Variants in PRSS55 observed in about 807,000 individuals in gnomAD.
The protein encoded by PRSS55 is serine protease 55.
PRSS55 carries 41 observed loss-of-function variants against 23.6 expected under a neutral mutation model. The ratio of observed to expected loss-of-function variants is 1.74; its 90% CI spans 1.35 to 2.26. The LOEUF (loss-of-function observed/expected upper bound fraction) is 2.26, where lower values mean the gene tolerates loss of function less well. Ranked by LOEUF, PRSS55 falls within the 30% of genes most tolerant of loss-of-function variation. The probability of loss-of-function intolerance (pLI) is 0.00; values close to 1 mark genes in which losing one functional copy is unlikely to be tolerated. For missense variants in PRSS55, 669 were observed against 439.1 expected (o/e 1.52, Z -4.68); for synonymous variants, 262 against 175.5 (o/e 1.49, Z -3.90).
intron 4 of PRSS55, among the ~76,000 whole-genome samples, chr8:10,544,104 A>G (rs1411769666): frequency 6.6e-6 from 1 of 151,956 alleles, no homozygotes; most frequent in Non-Finnish European, 1.5e-5. Flanking sequence ...TGTTCTATCC[A>G]TTATTTAACA....
intron 3 of PRSS55, 64 bp downstream of exon 3, chr8:10,531,609 G>A: frequency 3.8e-6 from 6 of 1,583,260 alleles, no homozygotes; most frequent in Non-Finnish European, 5.1e-6. Flanking sequence ...AGGGGAGGAA[G>A]CTAAGGAAGG....
downstream of PRSS55, among the ~76,000 whole-genome samples, chr8:10,542,478 G>C (rs1250537162): frequency 2.0e-5 from 3 of 151,546 alleles, no homozygotes; most frequent in Non-Finnish European, 4.4e-5. Flanking sequence ...TGGCCTCAAG[G>C]ATAACTGCTG....
intron 4 of PRSS55, among the ~76,000 whole-genome samples, chr8:10,550,840 G>GCA (rs1812936539): frequency 6.6e-6 from 1 of 152,216 alleles, no homozygotes; most frequent in Admixed American, 6.5e-5. Flanking sequence ...ACGTGTGTGT[G>GCA]CGTGAGCACA....
At position 10,538,737 on chromosome 8, in the gene PRSS55, T is replaced by TC; in HGVS notation, c.1005dup (p.Trp336LeufsTer22). The TC allele has an allele frequency of 6.2e-7, 1 of 1,612,452 alleles. No individual in the cohort carries two copies. The highest frequency in any genetic ancestry group is 1.1e-5 in the South Asian group (1 of 90,884). On this transcript the variant is annotated frameshift_variant, in exon 5 of 5. Transcript: ENST00000328655. LOFTEE classifies it low-confidence loss of function (END_TRUNC). ...AGTCCCAGAGCCAGGCAGCCCCAGATCCTGGCTCCTGCTCTGTCCCCTGTC... is the reference window on the plus strand; with the variant it reads ...AGTCCCAGAGCCAGGCAGCCCCAGATCCCTGGCTCCTGCTCTGTCCCCTGTC...
intron 4 of PRSS55, among the ~76,000 whole-genome samples, chr8:10,549,567 A>C (rs1274421414): frequency 6.6e-6 from 1 of 152,216 alleles, no homozygotes; most frequent in Non-Finnish European, 1.5e-5. Flanking sequence ...GAGACCCCAC[A>C]GATCATCAAG....
intron 1 of PRSS55, among the ~76,000 whole-genome samples, chr8:10,527,613 G>C (rs1812079116): frequency 6.6e-6 from 1 of 152,254 alleles, no homozygotes; most frequent in Non-Finnish European, 1.5e-5. Context: ...GTAGCTGCCT[G>C]GGGAAGAATA....
In PRSS55 at chr8:10,538,617, A is replaced by G. The variant is rs1422416545; in HGVS notation, c.883A>G (p.Ile295Val). The change falls in exon 5 of 5, where the codon ATC becomes GTC. Residue 295 changes from isoleucine to valine, a missense_variant. Ile to Val is a conservative substitution (Grantham distance 29). Transcript: ENST00000328655. ...YTSLVNYNLW[I>V]EKVTQLEGRP... ...CTCGTTGGTGAACTACAACCTCTGG[A>G]TCGAGAAAGTGACCCAGCTAGAGGG... The G allele has an allele frequency of 6.2e-7, 1 of 1,614,150 alleles. No individual in the cohort carries two copies. The highest frequency in any genetic ancestry group is 1.7e-5 in the Admixed American group (1 of 60,032).
chr8:10,545,122 C>A, intron 4 of PRSS55: 4 of 347,046 alleles, frequency 1.2e-5, no homozygotes, highest in Non-Finnish European at 1.6e-5. Context: ...TATTTCAAAC[C>A]AATACTTTCA....
Position 10,531,357 on chromosome 8 carries a change from A to T in PRSS55, c.410A>T (p.Lys137Met), listed in dbSNP as rs768046445. The T allele has an allele frequency of 1.2e-5, 19 of 1,614,084 alleles. No homozygotes were observed. The highest frequency in any genetic ancestry group is 1.4e-5 in the Non-Finnish European group (17 of 1,180,056). Residue 137 changes from lysine (K) to methionine (M), a missense_variant, in exon 3 of 5, where the codon AAG (lysine) becomes ATG (methionine). Physicochemically the swap from Lys to Met is moderately conservative, Grantham distance 95. Coordinates refer to ENST00000328655, the MANE Select transcript of PRSS55 (RefSeq NM_198464.4). ...NDLTSPSMEIKEVASIILHKD... is the reference protein window; with the variant it reads ...NDLTSPSMEIMEVASIILHKD... ...TTAACTAGCCCATCCATGGAAATAAAGGAGGTCGCCAGCATCATTCTTCAC... is the reference window on the plus strand; with the variant it reads ...TTAACTAGCCCATCCATGGAAATAATGGAGGTCGCCAGCATCATTCTTCAC...
intron 4 of PRSS55, among the ~76,000 whole-genome samples, chr8:10,552,498 T>C (rs1812972634): frequency 6.6e-6 from 1 of 152,190 alleles, no homozygotes; most frequent in Non-Finnish European, 1.5e-5. Flanking sequence ...ACCTTTGGAA[T>C]GGGAGAAAAC....
At chr8:10,553,133 C>T (rs926970564) in intron 4 of PRSS55, among the ~76,000 whole-genome samples, 5 of 152,294 alleles carry the variant, frequency 3.3e-5, no homozygotes, top group East Asian at 3.9e-4. Context: ...ATGCTATTCT[C>T]ATGATAGTGA....
At chr8:10,550,506 C>G (rs1435502378) in intron 4 of PRSS55, among the ~76,000 whole-genome samples, 2 of 152,154 alleles carry the variant, frequency 1.3e-5, no homozygotes, top group African/African-American at 2.4e-5. Context: ...GATGGGACTT[C>G]CAAGACAGAT....
chr8:10,544,288 A>G (rs1038491687), intron 4 of PRSS55, among the ~76,000 whole-genome samples: 1 of 152,118 alleles, frequency 6.6e-6, no homozygotes, highest in African/African-American at 2.4e-5. Context: ...CTTTATCTCT[A>G]ATGAATTTTT....
chr8:10,531,602 G>A (rs1812269877), intron 3 of PRSS55, 57 bp downstream of exon 3: 3 of 1,594,994 alleles, frequency 1.9e-6, no homozygotes, highest in South Asian at 2.2e-5. Context: ...GAAGGAGAGG[G>A]GAGGAAGCTA....
intron 4 of PRSS55, among the ~76,000 whole-genome samples, chr8:10,535,575 G>A (rs1252830745): frequency 6.6e-6 from 1 of 152,156 alleles, no homozygotes; most frequent in Non-Finnish European, 1.5e-5. Context: ...ATGCGAGTTG[G>A]ATAAAAGACT....
At chr8:10,541,984 C>G (rs146298777), downstream of PRSS55, among the ~76,000 whole-genome samples, 1,029 of 152,204 alleles carry the variant, frequency 6.8e-3, 13 homozygotes, top group African/African-American at 0.024. Context: ...ACTATGTTGC[C>G]CAGGCTGGTC....
intron 4 of PRSS55, among the ~76,000 whole-genome samples, chr8:10,546,577 G>C (rs1812823239): frequency 6.6e-6 from 1 of 152,188 alleles, no homozygotes; most frequent in Non-Finnish European, 1.5e-5. Flanking sequence ...TGGCTCTGCA[G>C]GGCAGCCACG....
At chr8:10,542,449 G>A (rs575622220), downstream of PRSS55, among the ~76,000 whole-genome samples, 1 of 150,212 alleles carries the variant, frequency 6.7e-6, no homozygotes, top group East Asian at 2.0e-4. Context: ...AAGACAATAA[G>A]GGAAAGTTTG....
At chr8:10,527,638 C>G (rs1812080047) in intron 1 of PRSS55, among the ~76,000 whole-genome samples, 1 of 152,206 alleles carries the variant, frequency 6.6e-6, no homozygotes. Flanking sequence ...AGGCAGAGAG[C>G]CACATGGCGC....
Sources: allele counts gnomAD v4.1 joint callset (sites outside exome capture counted in the v4.1 genomes callset), GRCh38; gene constraint gnomAD v4.1.1; transcripts MANE v1.5; gene names NCBI Gene and HGNC (gene_info 2026-07-23, HGNC 2026-07-21).